The following ITGA2 variants were observed in gnomAD, a reference collection of about 807,000 sequenced individuals.
The protein encoded by ITGA2 is integrin alpha-2.
In ITGA2, 101 loss-of-function variants were observed where a neutral mutation model predicts 146.3. The observed-to-expected ratio is 0.69, with a 90% CI of 0.59 to 0.81. The LOEUF (loss-of-function observed/expected upper bound fraction) is 0.81, where lower values mean the gene tolerates loss of function less well. ITGA2 is among the 40% of genes least tolerant of loss of function. ITGA2 has a pLI of 0.00. For missense variants in ITGA2, 1,281 were observed against 1,402.7 expected, an observed-to-expected ratio of 0.91 and a Z score of 1.39; for synonymous variants, 477 against 487.1, an observed-to-expected ratio of 0.98 and a Z score of 0.27.
intron 18 of ITGA2, 63 bp downstream of exon 18, chr5:53,072,111 A>G: frequency 8.8e-7 from 1 of 1,135,300 alleles, no homozygotes; most frequent in Non-Finnish European, 1.3e-6. Context: ...TCACTGCAAT[A>G]GTGTCTGAAG....
intron 7 of ITGA2, among the ~76,000 whole-genome samples, chr5:53,055,117 T>C (rs1470429419): frequency 2.0e-5 from 3 of 152,134 alleles, no homozygotes; most frequent in African/African-American, 7.2e-5. Context: ...CCAAATACTT[T>C]GATTTTTTTT....
Position 53,051,531 on chromosome 5 carries a change from A to G in ITGA2, c.751A>G (p.Asn251Asp). The change falls in exon 7 of 30, where the codon AAC becomes GAC. Residue 251 changes from asparagine to aspartate, a missense_variant. Asn to Asp is a conservative substitution (Grantham distance 23, BLOSUM62 1). Transcript: ENST00000296585. Reference sequence around the variant, plus strand: ...ATCCCAATATGGTGGGGACCTCACAAACACATTCGGAGCAATTCAATATGC... The same window carrying G: ...ATCCCAATATGGTGGGGACCTCACAGACACATTCGGAGCAATTCAATATGC... Reference protein sequence around the residue: ...QTSQYGGDLTNTFGAIQYARK... With the variant: ...QTSQYGGDLTDTFGAIQYARK... 1 of 1,613,726 alleles carries G rather than the reference A, an allele frequency of 6.2e-7. No homozygotes were observed. The highest frequency in any genetic ancestry group is 8.5e-7 in the Non-Finnish European group (1 of 1,179,752).
chr5:53,042,998 C>T (rs1032500096), intron 3 of ITGA2, among the ~76,000 whole-genome samples: 1 of 152,094 alleles, frequency 6.6e-6, no homozygotes, highest in Non-Finnish European at 1.5e-5. Context: ...TTGCATATCT[C>T]TGTAGACCTA....
At chr5:53,070,659 A>C (rs1745349672) in intron 17 of ITGA2, among the ~76,000 whole-genome samples, 1 of 151,928 alleles carries the variant, frequency 6.6e-6, no homozygotes, top group African/African-American at 2.4e-5. Context: ...TTCTACTATT[A>C]GATTTAAGTT....
Position 53,051,445 on chromosome 5 carries a change from T to C in ITGA2, c.665T>C (p.Val222Ala). ...GLIQYANNPR[V>A]VFNLNTYKTK... ...ATTCAGTATGCCAATAATCCAAGAG[T>C]TGTGTTTAACTTGAACACATATAAA... The change falls in exon 7 of 30, where the codon GTT becomes GCT. Residue 222 changes from valine (V) to alanine (A), a missense_variant. Val to Ala is a moderately conservative substitution (Grantham distance 64). Transcript: ENST00000296585. 2 of 1,613,438 alleles carry C rather than the reference T, an allele frequency of 1.2e-6. No individual in the cohort carries two copies. Among genetic ancestry groups the C allele is most frequent in the Non-Finnish European group, 1.7e-6 (2 of 1,179,600 alleles).
At chr5:52,995,488 T>G (rs1009143804) in intron 1 of ITGA2, among the ~76,000 whole-genome samples, 4 of 152,056 alleles carry the variant, frequency 2.6e-5, no homozygotes, top group African/African-American at 9.7e-5. Flanking sequence ...GATGATTGAT[T>G]TACTATGGAG....
Position 53,042,192 on chromosome 5 carries a change from C to T in ITGA2, c.266C>T (p.Thr89Ile), listed in dbSNP as rs374186835. Residue 89 changes from threonine (T) to isoleucine (I), a missense_variant, in exon 3 of 30, where the codon ACT (threonine) becomes ATT (isoleucine). Thr to Ile is a moderately conservative substitution (Grantham distance 89). Coordinates refer to ENST00000296585, the MANE Select transcript of ITGA2 (RefSeq NM_002203.4). ...DVYKCPVDLS[T>I]ATCEKLNLQT... ...TATAAATGTCCTGTTGACCTATCCA[C>T]TGCCACATGTGAAAAACTAAATTTG... is the stretch of plus-strand genomic sequence containing the variant. 2 of 1,612,482 alleles carry T rather than the reference C, an allele frequency of 1.2e-6. No homozygotes were observed. Among genetic ancestry groups the T allele is most frequent in the Non-Finnish European group, 1.7e-6 (2 of 1,178,674 alleles).
chr5:53,036,766 G>A (rs554904057), intron 2 of ITGA2, among the ~76,000 whole-genome samples: 55 of 152,006 alleles, frequency 3.6e-4, no homozygotes, highest in African/African-American at 1.3e-3. Context: ...CTTTTTTACT[G>A]ATTTATTCAC....
At chr5:53,017,239 T>G (rs2111770765) in intron 1 of ITGA2, among the ~76,000 whole-genome samples, 1 of 152,336 alleles carries the variant, frequency 6.6e-6, no homozygotes, top group East Asian at 1.9e-4. Flanking sequence ...TCTTTGAAAT[T>G]GCTACTTTTT....
At chr5:53,042,874 G>A (rs558218006) in intron 3 of ITGA2, among the ~76,000 whole-genome samples, 53 of 152,154 alleles carry the variant, frequency 3.5e-4, no homozygotes, top group Non-Finnish European at 6.6e-4. Context: ...GAGGAATCAC[G>A]GAGTTCCTCT....
At chr5:53,082,706 G>T (rs983412532) in intron 26 of ITGA2, among the ~76,000 whole-genome samples, 1 of 152,008 alleles carries the variant, frequency 6.6e-6, no homozygotes, top group African/African-American at 2.4e-5. Flanking sequence ...TTTACATTAG[G>T]GTTCACTCTT....
chr5:53,069,042 T>A (rs189018896), intron 16 of ITGA2, among the ~76,000 whole-genome samples: 22 of 152,008 alleles, frequency 1.4e-4, no homozygotes, highest in Admixed American at 2.6e-4. Flanking sequence ...GCAAGAAAAA[T>A]TGTACAACAT....
At chr5:53,041,227 A>G (rs1392392203) in intron 2 of ITGA2, among the ~76,000 whole-genome samples, 4 of 152,120 alleles carry the variant, frequency 2.6e-5, no homozygotes, top group Non-Finnish European at 4.4e-5. Context: ...TTTCTGTGCA[A>G]TCTTCTGTGG....
intron 4 of ITGA2, among the ~76,000 whole-genome samples, chr5:53,045,572 C>T (rs26676): frequency 0.025 from 3,792 of 152,168 alleles, 102 homozygotes; most frequent in East Asian, 0.14. Context: ...CATCACTAAT[C>T]AGTGAAATAG....
At chr5:53,078,425 T>A (rs1745757845) in intron 23 of ITGA2, among the ~76,000 whole-genome samples, 1 of 152,168 alleles carries the variant, frequency 6.6e-6, no homozygotes, top group Admixed American at 6.5e-5. Context: ...TCTACTATGT[T>A]AACATACTAG....
At chr5:53,078,931 T>A (rs1310424531) in intron 24 of ITGA2, 57 bp downstream of exon 24, 1 of 959,868 alleles carries the variant, frequency 1.0e-6, no homozygotes, top group Non-Finnish European at 1.7e-6. Flanking sequence ...AGAAAAAAAA[T>A]GAGTCTGGAA....
At chr5:52,998,178 T>G (rs1206926914) in intron 1 of ITGA2, among the ~76,000 whole-genome samples, 1 of 152,240 alleles carries the variant, frequency 6.6e-6, no homozygotes. Flanking sequence ...TTTTTAAAAG[T>G]GAAGTCCCAG....
intron 21 of ITGA2, 84 bp from the exon 22 acceptor site, chr5:53,074,977 A>G: frequency 4.5e-6 from 4 of 888,938 alleles, no homozygotes; most frequent in Non-Finnish European, 7.4e-6. Context: ...GAGTGAGTTT[A>G]CTTTTATGAG....
Position 53,057,932 on chromosome 5 carries a change from G to A in ITGA2, c.1097-93G>A, listed in dbSNP as rs775644449. On this transcript the variant is annotated intron_variant, in intron 9 of 29. Coordinates refer to ENST00000296585, the MANE Select transcript of ITGA2 (RefSeq NM_002203.4). The stretch of plus-strand genomic sequence containing the variant: ...ACAGTGTGTGTTTGTGTTTGTGTTT[G>A]TAGGCATGTGTGTACATACGTGCCT... 216 of 831,652 alleles carry A rather than the reference G, an allele frequency of 2.6e-4. 1 individual carries two copies. The highest frequency in any genetic ancestry group is 4.0e-4 in the Non-Finnish European group (190 of 479,224). 51.5% of individuals were successfully genotyped at this position (831,652 alleles called of 1,614,324 possible). A position where few individuals can be genotyped will look rare whatever the true frequency, so the allele number is the denominator to read the frequency against.
Sources: gnomAD v4.1 joint callset for allele counts (sites outside exome capture counted in the v4.1 genomes callset) on GRCh38, gnomAD v4.1.1 for gene constraint, MANE v1.5 for transcripts, NCBI Gene and HGNC (gene_info 2026-07-23, HGNC 2026-07-21) for gene names.